Variants in SHISA9 observed in about 807,000 individuals in gnomAD.
SHISA9 encodes shisa family member 9, also known as protein shisa-9.
Under a neutral mutation model 38.0 loss-of-function variants are expected in SHISA9, and 13 were observed. The observed-to-expected ratio is 0.34, with a 90% CI of 0.22 to 0.54. The LOEUF (loss-of-function observed/expected upper bound fraction) is 0.54, where lower values mean the gene tolerates loss of function less well. Ranked by LOEUF, SHISA9 falls within the 20% of genes least tolerant of loss-of-function variation. SHISA9 has a pLI of 0.91. For missense variants in SHISA9, 538 were observed against 575.8 expected, an observed-to-expected ratio of 0.93 and a Z score of 0.67; for synonymous variants, 275 against 242.0, an observed-to-expected ratio of 1.14 and a Z score of -1.27.
chr16:12,902,639 C>T lies in SHISA9; in HGVS notation c.563+12C>T, dbSNP rs1450966923. On this transcript the variant is annotated intron_variant, in intron 1 of 4. Coordinates refer to ENST00000558583, the MANE Select transcript of SHISA9 (RefSeq NM_001145204.3). ...GAGCACATGTCCAGGTGGGCTGCCT[C>T]CCCTTCGCCCTCCCCTCGGGGCTTC... 1 of 1,531,260 alleles carries T rather than the reference C, an allele frequency of 6.5e-7. No homozygotes were observed. Among genetic ancestry groups the T allele is most frequent in the Admixed American group, 2.0e-5 (1 of 49,842 alleles). The allele number at this position is 1,531,260 out of a possible 1,614,324, so 94.9% of individuals were successfully genotyped here. A position where few individuals can be genotyped will look rare whatever the true frequency, so the allele number is the denominator to read the frequency against.
chr16:13,175,313 C>T (rs2050722611), intron 2 of SHISA9, among the ~76,000 whole-genome samples: 1 of 152,184 alleles, frequency 6.6e-6, no homozygotes. Flanking sequence ...CGCTCAAGTC[C>T]AGGAGTTCGA....
chr16:13,162,589 G>C (rs1267727471), intron 2 of SHISA9, among the ~76,000 whole-genome samples: 1 of 152,128 alleles, frequency 6.6e-6, no homozygotes, highest in Non-Finnish European at 1.5e-5. Flanking sequence ...GGTAGAACTG[G>C]GCTATGGCAA....
chr16:12,977,831 G>T (rs926258181), intron 2 of SHISA9, among the ~76,000 whole-genome samples: 2 of 151,998 alleles, frequency 1.3e-5, no homozygotes, highest in Admixed American at 6.6e-5. Context: ...TGGGGAGGGG[G>T]GAGAGTGAGA....
the SHISA9 span, among the ~76,000 whole-genome samples, chr16:13,515,803 C>G: frequency 6.6e-6 from 1 of 152,036 alleles, no homozygotes; most frequent in Non-Finnish European, 1.5e-5. Flanking sequence ...ATTTTGGAAA[C>G]ATGACACAAA....
chr16:13,263,151 C>A, the SHISA9 span, among the ~76,000 whole-genome samples: 1 of 152,216 alleles, frequency 6.6e-6, no homozygotes, highest in African/African-American at 2.4e-5. Flanking sequence ...CACTACATTT[C>A]TCATGGACAT....
intron 3 of SHISA9, among the ~76,000 whole-genome samples, chr16:13,211,064 A>C (rs1352291479): frequency 1.3e-5 from 2 of 152,172 alleles, no homozygotes; most frequent in Non-Finnish European, 2.9e-5. Flanking sequence ...TGGGAGGCCA[A>C]AGCAGACAGA....
intron 4 of SHISA9, among the ~76,000 whole-genome samples, chr16:13,230,753 G>A (rs544695499): frequency 6.6e-6 from 1 of 152,342 alleles, no homozygotes; most frequent in South Asian, 2.1e-4. Flanking sequence ...AGACAGAGCA[G>A]CCCTGAGGGC....
chr16:13,396,852 A>G, the SHISA9 span, among the ~76,000 whole-genome samples: 1 of 152,058 alleles, frequency 6.6e-6, no homozygotes, highest in African/African-American at 2.4e-5. Flanking sequence ...ATCACTGCAC[A>G]CCATTTATAC....
the SHISA9 span, among the ~76,000 whole-genome samples, chr16:13,543,299 A>G: frequency 6.6e-6 from 1 of 152,230 alleles, no homozygotes; most frequent in Non-Finnish European, 1.5e-5. Context: ...TTTTCAATAC[A>G]GTGGTCATGG....
the SHISA9 span, among the ~76,000 whole-genome samples, chr16:13,562,138 T>C: frequency 6.6e-6 from 1 of 152,208 alleles, no homozygotes; most frequent in African/African-American, 2.4e-5. Context: ...TCCTTTTTCC[T>C]TCCAGCACCT....
At chr16:13,508,812 A>C in the SHISA9 span, among the ~76,000 whole-genome samples, 1 of 152,172 alleles carries the variant, frequency 6.6e-6, no homozygotes, top group South Asian at 2.1e-4. Flanking sequence ...GCAGGTTGCT[A>C]ATATTACTCC....
Position 13,153,026 on chromosome 16 carries a change from A to G in SHISA9, c.692-50368A>G, listed in dbSNP as rs539456028. 2.0e-5 allele frequency among the ~76,000 whole-genome samples: 3 copies of G among 152,288 alleles called. No homozygotes were observed. In the East Asian group the frequency reaches 5.8e-4, roughly 29 times the overall value. On this transcript the variant is annotated intron_variant, in intron 2 of 4. Coordinates refer to ENST00000558583, the MANE Select transcript of SHISA9 (RefSeq NM_001145204.3). Reference sequence around the variant, plus strand: ...AGCCACAGCTGAATATCTGAGTATGAGAGGGGGCTCTGAGCCAAAGAATAT... The same window carrying G: ...AGCCACAGCTGAATATCTGAGTATGGGAGGGGGCTCTGAGCCAAAGAATAT...
intron 2 of SHISA9, among the ~76,000 whole-genome samples, chr16:13,179,232 C>T (rs896397982): frequency 2.0e-5 from 3 of 152,078 alleles, no homozygotes; most frequent in Non-Finnish European, 2.9e-5. Flanking sequence ...GGCGGGAGAA[C>T]AACCAGGAGG....
intron 2 of SHISA9, among the ~76,000 whole-genome samples, chr16:12,942,100 AC>A (rs746969428): frequency 6.6e-6 from 1 of 152,192 alleles, no homozygotes; most frequent in Non-Finnish European, 1.5e-5. Context: ...TGAGATCCCA[AC>A]AGCTTGAATT....
At chr16:12,970,694 T>C (rs1410050149) in intron 2 of SHISA9, among the ~76,000 whole-genome samples, 1 of 149,720 alleles carries the variant, frequency 6.7e-6, no homozygotes, top group Non-Finnish European at 1.5e-5. Context: ...GTTGTTGTTG[T>C]TGTATTTTTA....
rs768750995 is a variant in SHISA9, at chr16:12,908,460, C to A, written c.563+5833C>A. 15 of 1,551,530 alleles carry A rather than the reference C, an allele frequency of 9.7e-6. No homozygotes were observed. In the Admixed American group the frequency reaches 2.6e-4, roughly 26 times the overall value. ...GTGTAAATTCTCGTTTAATTTCATA[C>A]CCTTCCCCCATGAGGTAGGCTCTAT... On this transcript the variant is annotated intron_variant, in intron 1 of 4. Transcript: ENST00000558583.
intron 2 of SHISA9, among the ~76,000 whole-genome samples, chr16:13,019,384 C>T (rs2072795174): frequency 6.6e-6 from 1 of 152,138 alleles, no homozygotes; most frequent in Admixed American, 6.6e-5. Context: ...GGGAAGCCTT[C>T]CCGGCTTGCT....
intron 2 of SHISA9, among the ~76,000 whole-genome samples, chr16:13,178,292 G>T (rs2050748633): frequency 6.6e-6 from 1 of 151,794 alleles, no homozygotes; most frequent in African/African-American, 2.4e-5. Context: ...CATATTTGTA[G>T]GGTGACCATG....
intron 2 of SHISA9, among the ~76,000 whole-genome samples, chr16:13,116,424 C>T (rs1445222911): frequency 1.3e-5 from 2 of 152,146 alleles, no homozygotes; most frequent in African/African-American, 4.8e-5. Context: ...GGCAGAGTGA[C>T]ATTGCTGAAG....
Sources: gnomAD v4.1 joint callset for allele counts (sites outside exome capture counted in the v4.1 genomes callset) on GRCh38, gnomAD v4.1.1 for gene constraint, MANE v1.5 for transcripts, NCBI Gene and HGNC (gene_info 2026-07-23, HGNC 2026-07-21) for gene names.